Variants in SGIP1 observed in about 807,000 individuals in gnomAD.
The protein encoded by SGIP1 is SH3-containing GRB2-like protein 3-interacting protein 1.
A neutral mutation model predicts 107.5 loss-of-function variants in SGIP1; 38 were observed. The observed-to-expected ratio is 0.35, with a 90% CI of 0.27 to 0.46. The LOEUF (loss-of-function observed/expected upper bound fraction) is 0.46, where lower values mean the gene tolerates loss of function less well. Among genes scored for constraint, SGIP1 ranks in the 20% least tolerant of loss-of-function variants. SGIP1 has a pLI of 1.00. For synonymous variants in SGIP1, 365 were observed against 366.1 expected (o/e 1.00, Z 0.03); for missense variants, 929 against 1,019.5 (o/e 0.91, Z 1.21).
chr1:66,639,646 T>C (rs1269036556), intron 4 of SGIP1, 131 bp from the exon 5 acceptor site: 1 of 702,418 alleles, frequency 1.4e-6, no homozygotes, highest in Non-Finnish European at 2.5e-6. Context: ...CTTAATAAAC[T>C]GCTCTAATAT....
chr1:66,589,212 ATATATG>A (rs2063198842), intron 1 of SGIP1, among the ~76,000 whole-genome samples: 1 of 89,762 alleles, frequency 1.1e-5, no homozygotes, highest in Non-Finnish European at 2.2e-5. Flanking sequence ...ATATATATAT[ATATATG>A]TAAGGCTTGG....
intron 19 of SGIP1, among the ~76,000 whole-genome samples, chr1:66,727,156 T>G (rs1336095451): frequency 1.3e-5 from 2 of 152,192 alleles, no homozygotes; most frequent in African/African-American, 4.8e-5. Flanking sequence ...AGCCACAGAC[T>G]GGGCTGCAAA....
intron 17 of SGIP1, among the ~76,000 whole-genome samples, chr1:66,691,125 T>C (rs960155219): frequency 3.9e-5 from 6 of 152,192 alleles, no homozygotes; most frequent in Non-Finnish European, 7.3e-5. Context: ...ATTTTTCCCA[T>C]GGGATCCCCG....
intron 1 of SGIP1, among the ~76,000 whole-genome samples, chr1:66,624,574 G>A (rs1231216419): frequency 6.6e-6 from 1 of 152,120 alleles, no homozygotes; most frequent in Admixed American, 6.5e-5. Context: ...ATCCTAAGAG[G>A]CAGATAATGA....
chr1:66,700,875 G>A (rs945698990), intron 18 of SGIP1, among the ~76,000 whole-genome samples: 17 of 151,968 alleles, frequency 1.1e-4, no homozygotes, highest in Non-Finnish European at 1.9e-4. Context: ...CACTAATCCA[G>A]GTGGAGATAT....
At chr1:66,711,769 C>G (rs1405974464) in intron 18 of SGIP1, among the ~76,000 whole-genome samples, 2 of 152,168 alleles carry the variant, frequency 1.3e-5, no homozygotes, top group Non-Finnish European at 2.9e-5. Flanking sequence ...AATCAGACCA[C>G]TCTCTCCTGC....
chr1:66,637,771 A>T (rs1386301457), intron 4 of SGIP1, among the ~76,000 whole-genome samples: 5 of 150,654 alleles, frequency 3.3e-5, no homozygotes, highest in African/African-American at 4.9e-5. Flanking sequence ...GTATCTGTGT[A>T]TGTCTATTTA....
intron 14 of SGIP1, 37 bp downstream of exon 14, chr1:66,679,789 C>G: frequency 1.3e-6 from 2 of 1,541,234 alleles, no homozygotes; most frequent in Non-Finnish European, 1.7e-6. Flanking sequence ...GATGATGTGT[C>G]AAACAGAGCA....
In SGIP1 at chr1:66,601,780, T is replaced by C. The variant is rs2065890634; in HGVS notation, c.11-24067T>C. ...CTGTATGTAAGGAGCCCTACTTTTT[T>C]TACCGCATTCAATTTCATTTTTAGA... is the stretch of plus-strand genomic sequence containing the variant. On this transcript the variant is annotated intron_variant, in intron 1 of 24. Transcript: ENST00000371037. Among the ~76,000 whole-genome samples, 3 of 152,358 alleles carry C rather than the reference T, an allele frequency of 2.0e-5. No individual in the cohort carries two copies. The South Asian group carries it at 6.2e-4, about 32-fold the overall frequency.
chr1:66,626,086 G>T (rs908519038), intron 2 of SGIP1, 176 bp downstream of exon 2: 6 of 317,112 alleles, frequency 1.9e-5, no homozygotes, highest in Non-Finnish European at 1.7e-5. Context: ...ATGCTAAAAA[G>T]GTAAAAATTT....
intron 1 of SGIP1, among the ~76,000 whole-genome samples, chr1:66,602,377 T>A (rs1467368084): frequency 3.3e-5 from 5 of 152,156 alleles, no homozygotes; most frequent in Admixed American, 1.3e-4. Flanking sequence ...AGAATTATGA[T>A]GGAAATATGA....
chr1:66,620,672 C>T (rs2070817695), intron 1 of SGIP1, among the ~76,000 whole-genome samples: 1 of 152,202 alleles, frequency 6.6e-6, no homozygotes, highest in Non-Finnish European at 1.5e-5. Context: ...AGGTCCCTCC[C>T]TTGACATGTG....
At chr1:66,681,818 C>A in intron 14 of SGIP1, 51 bp from the exon 15 acceptor site, 1 of 1,552,562 alleles carries the variant, frequency 6.4e-7, no homozygotes, top group Non-Finnish European at 8.7e-7. Flanking sequence ...CCTCACTCCC[C>A]ACACAAATAA....
chr1:66,627,763 TA>T (rs1296837757), intron 2 of SGIP1, among the ~76,000 whole-genome samples: 1 of 152,190 alleles, frequency 6.6e-6, no homozygotes. Flanking sequence ...TTTTCTTTCT[TA>T]TACTTTAAGT....
In SGIP1 at chr1:66,659,996, A is replaced by AAGAC. The variant is rs71575497; in HGVS notation, c.460-498_460-495dup. 422 of 54,716 alleles carry AAGAC rather than the reference A, an allele frequency of 7.7e-3. 49 individuals are homozygous for AAGAC. Among genetic ancestry groups the AAGAC allele is most frequent in the Non-Finnish European group, 9.8e-3 (330 of 33,538 alleles). 3.4% of individuals were successfully genotyped at this position (54,716 alleles called of 1,614,324 possible). Reference sequence around the variant, plus strand: ...AAAGAAAGAAAGAAAGAAAGAAAGAAAGACAGACAGACAGACAGACAGGAA... The same window carrying AAGAC: ...AAAGAAAGAAAGAAAGAAAGAAAGAAAGACAGACAGACAGACAGACAGACAGGAA... On this transcript the variant is annotated intron_variant, in intron 7 of 24. Transcript: ENST00000371037.
intron 9 of SGIP1, 49 bp from the exon 10 acceptor site, chr1:66,670,946 A>G (rs2083637097): frequency 2.2e-6 from 2 of 905,004 alleles, no homozygotes; most frequent in Non-Finnish European, 3.2e-6. Flanking sequence ...CATATTGTAC[A>G]TAACATATAT....
chr1:66,652,522 G>C (rs1053173933), intron 7 of SGIP1, among the ~76,000 whole-genome samples: 4 of 152,096 alleles, frequency 2.6e-5, no homozygotes, highest in African/African-American at 4.8e-5. Context: ...CTTCATCCTG[G>C]AGATTTGCAA....
rs1055357043 is a variant in SGIP1 at position 66,750,065 on chromosome 1, GTGTC to G, written c.*6972_*6975del. Among the ~76,000 whole-genome samples the G allele has an allele frequency of 2.4e-4, 35 of 147,394 alleles. No individual in the cohort carries two copies. The highest frequency in any genetic ancestry group is 7.3e-4 in the African/African-American group (29 of 39,692). ...TGTGTGTGTGTGTGTGTGTGTGTGT[GTGTC>G]TCTTTCCTCTCTGTCTAAGGGGAAT... On this transcript the variant is annotated 3_prime_UTR_variant, in exon 25 of 25. Transcript: ENST00000371037.
intron 4 of SGIP1, among the ~76,000 whole-genome samples, chr1:66,638,347 T>C (rs1383893155): frequency 6.6e-6 from 1 of 152,208 alleles, no homozygotes; most frequent in Admixed American, 6.5e-5. Context: ...AGAGTTCGTA[T>C]GACAGGTTTT....
Sources: gnomAD v4.1 joint callset for allele counts (sites outside exome capture counted in the v4.1 genomes callset) on GRCh38, gnomAD v4.1.1 for gene constraint, MANE v1.5 for transcripts, NCBI Gene and HGNC (gene_info 2026-07-23, HGNC 2026-07-21) for gene names.